PTPN11: variants seen among roughly 807,000 people sequenced by gnomAD.
PTPN11 encodes protein tyrosine phosphatase non-receptor type 11.
Under a neutral mutation model 78.8 loss-of-function variants are expected in PTPN11, and 6 were observed. The observed-to-expected ratio is 0.08, with a 90% CI of 0.04 to 0.15. The LOEUF (loss-of-function observed/expected upper bound fraction) is 0.15, where lower values mean the gene tolerates loss of function less well. PTPN11 is among the 10% of genes least tolerant of loss of function. The pLI is 1.00. For synonymous variants in PTPN11, 221 were observed against 263.5 expected, an observed-to-expected ratio of 0.84 and a Z score of 1.56; for missense variants, 386 against 744.8, an observed-to-expected ratio of 0.52 and a Z score of 5.61.
rs1266984572 is a variant in PTPN11 at position 112,509,570 on chromosome 12, TC to T, written c.*3780del. ...ATGTAATATTTTATTGATAAATCTA[TC>T]CTTTAAAAGGAATACGTTTTAGGAT... On this transcript the variant is annotated 3_prime_UTR_variant, in exon 16 of 16. Transcript: ENST00000351677. The T allele has an allele frequency of 6.6e-6, 1 of 152,666 alleles. No individual in the cohort carries two copies. Among genetic ancestry groups the T allele is most frequent in the Non-Finnish European group, 1.5e-5 (1 of 68,046 alleles). 9.5% of individuals were successfully genotyped at this position (152,666 alleles called of 1,614,324 possible). A position where few individuals can be genotyped will look rare whatever the true frequency, so the allele number is the denominator to read the frequency against.
chr12:112,476,611 A>C (rs1008084569), intron 7 of PTPN11, among the ~76,000 whole-genome samples: 3 of 152,144 alleles, frequency 2.0e-5, no homozygotes, highest in African/African-American at 7.2e-5. Flanking sequence ...TCTACTAAAA[A>C]TACAAAAATT....
chr12:112,506,546 T>C lies in PTPN11; in HGVS notation c.*754T>C, dbSNP rs1207575496. ...TATTTTCTTTGCATTTGAATAATTG[T>C]CTTGTACTTAGAAAAAAGGCGTCTA... On this transcript the variant is annotated 3_prime_UTR_variant, in exon 16 of 16. Coordinates refer to ENST00000351677, the MANE Select transcript of PTPN11 (RefSeq NM_002834.5). The C allele has an allele frequency of 6.6e-6, 1 of 152,174 alleles. No homozygotes were observed. The highest frequency in any genetic ancestry group is 1.5e-5 in the Non-Finnish European group (1 of 68,032). 9.4% of individuals were successfully genotyped at this position (152,174 alleles called of 1,614,324 possible).
intron 1 of PTPN11, among the ~76,000 whole-genome samples, chr12:112,439,052 C>G (rs945933183): frequency 2.6e-5 from 4 of 152,166 alleles, no homozygotes; most frequent in Non-Finnish European, 5.9e-5. Flanking sequence ...AATATTAACT[C>G]ATTTTATCCT....
chr12:112,478,152 T>C, intron 9 of PTPN11, 137 bp downstream of exon 9: 1 of 1,004,078 alleles, frequency 1.0e-6, no homozygotes, highest in Non-Finnish European at 1.5e-6. Flanking sequence ...TAGGAGAAAT[T>C]TGATTATGTT....
rs920484998 is a variant in PTPN11 at position 112,504,914 on chromosome 12, A to G, written c.*32+118A>G. The G allele has an allele frequency of 1.5e-6, 1 of 673,862 alleles. No individual in the cohort carries two copies. The highest frequency in any genetic ancestry group is 2.6e-6 in the Non-Finnish European group (1 of 383,748). 41.7% of individuals were successfully genotyped at this position (673,862 alleles called of 1,614,324 possible). ...GTACCATAATTGAGTTTTACAAACCAGGCTCCTTTTTCCTCTCCCTGTACT... is the reference window on the plus strand; with the variant it reads ...GTACCATAATTGAGTTTTACAAACCGGGCTCCTTTTTCCTCTCCCTGTACT... On this transcript the variant is annotated intron_variant, in intron 15 of 15. Transcript: ENST00000351677. This position sits in a 1 kb window ranked among gnomAD's most constrained non-coding sequence, Gnocchi z 4.7.
At chr12:112,454,399 C>T (rs567798504) in intron 4 of PTPN11, among the ~76,000 whole-genome samples, 165 bp from the exon 5 acceptor site, 7 of 152,300 alleles carry the variant, frequency 4.6e-5, no homozygotes, top group Non-Finnish European at 7.3e-5. Flanking sequence ...GAATTACTGG[C>T]GTGAGCCACT....
At position 112,477,993 on chromosome 12, in the gene PTPN11, C is replaced by T. The variant is rs2135902156; in HGVS notation, c.1070C>T (p.Thr357Met). Reference sequence around the variant, plus strand: ...AACTCCCGAGTGATTGTCATGACAACGAAAGAAGTGGAGAGAGGAAAGGTA... The same window carrying T: ...AACTCCCGAGTGATTGTCATGACAATGAAAGAAGTGGAGAGAGGAAAGGTA... ...QENSRVIVMT[T>M]KEVERGKSKC... The change falls in exon 9 of 16, where the codon ACG becomes ATG. Residue 357 changes from threonine (T) to methionine (M), a missense_variant. This residue lies in a region of PTPN11 where 279 missense variants were observed against 503.3 expected (regional missense o/e 0.55). Transcript: ENST00000351677. 1.2e-6 allele frequency: 2 copies of T among 1,613,922 alleles called. No individual in the cohort carries two copies. The highest frequency in any genetic ancestry group is 1.7e-6 in the Non-Finnish European group (2 of 1,179,954).
chr12:112,480,013 A>AT (rs1478667429), intron 9 of PTPN11, among the ~76,000 whole-genome samples: 1 of 152,170 alleles, frequency 6.6e-6, no homozygotes, highest in Non-Finnish European at 1.5e-5. Flanking sequence ...ACTGTGTTTG[A>AT]TTCCTGGGCT....
rs1359658150 is a variant in PTPN11, at chr12:112,444,335, TC to T, written c.15-1939del. ...TGGAATTTCTGGATCATATGGTACT[TC>T]CAAGTTTTTTTTTTTTCTTTTTTGA... is the stretch of plus-strand genomic sequence containing the variant. On this transcript the variant is annotated intron_variant, in intron 1 of 15. Transcript: ENST00000351677. Among the ~76,000 whole-genome samples the T allele has an allele frequency of 2.0e-5, 3 of 152,080 alleles. No homozygotes were observed. The East Asian group carries it at 5.8e-4, about 29-fold the overall frequency.
intron 6 of PTPN11, 36 bp from the exon 7 acceptor site, chr12:112,472,908 T>G: frequency 6.7e-7 from 1 of 1,491,320 alleles, no homozygotes; most frequent in South Asian, 1.1e-5. Flanking sequence ...TGTGACTCTT[T>G]GACACGTAAT....
rs143126933 is a variant in PTPN11, at chr12:112,443,518, C to T, written c.15-2758C>T. On this transcript the variant is annotated intron_variant, in intron 1 of 15. Coordinates refer to ENST00000351677, the MANE Select transcript of PTPN11 (RefSeq NM_002834.5). ...GGATTGCAGGCCTGCGCCACCTTGC[C>T]CAGCTAATTTTGGAATTTTGTGAGA... Among the ~76,000 whole-genome samples, 756 of 151,904 alleles carry T rather than the reference C, an allele frequency of 5.0e-3. 3 individuals carry two copies. Among genetic ancestry groups the T allele is most frequent in the South Asian group, 0.015 (73 of 4,808 alleles).
intron 13 of PTPN11, among the ~76,000 whole-genome samples, chr12:112,490,032 T>TA (rs760083956): frequency 6.6e-6 from 1 of 152,212 alleles, no homozygotes; most frequent in Non-Finnish European, 1.5e-5. Flanking sequence ...CGCACAGACA[T>TA]ACGGGATTGT....
At chr12:112,422,712 TA>T (rs2037542464) in intron 1 of PTPN11, among the ~76,000 whole-genome samples, 1 of 152,220 alleles carries the variant, frequency 6.6e-6, no homozygotes, top group African/African-American at 2.4e-5. Flanking sequence ...GGGATGTCTT[TA>T]TTAACGTTAG....
chr12:112,454,612 G>T lies in PTPN11; in HGVS notation c.574G>T (p.Asp192Tyr), dbSNP rs1488672907. The change falls in exon 5 of 16, where the codon GAT becomes TAT. Residue 192 changes from aspartate to tyrosine, a missense_variant. Coordinates refer to ENST00000351677, the MANE Select transcript of PTPN11 (RefSeq NM_002834.5). ...GGGERFDSLT[D>Y]LVEHYKKNPM... ...AGGAGAACGGTTTGATTCTTTGACA[G>T]ATCTTGTGGAACATTATAAGAAGAA... 6.2e-7 allele frequency: 1 copy of T among 1,613,874 alleles called. No homozygotes were observed.
At chr12:112,498,147 C>T (rs1165625508) in intron 13 of PTPN11, among the ~76,000 whole-genome samples, 3 of 148,550 alleles carry the variant, frequency 2.0e-5, no homozygotes, top group Admixed American at 6.8e-5. Context: ...AGTGAGACTT[C>T]GTGTCAAAAA....
intron 6 of PTPN11, among the ~76,000 whole-genome samples, chr12:112,461,909 C>T (rs1489336085): frequency 6.6e-6 from 1 of 152,184 alleles, no homozygotes; most frequent in Non-Finnish European, 1.5e-5. Context: ...TGCCAAAAAT[C>T]CTACTTCTTG....
At chr12:112,495,258 C>T (rs1408227555) in intron 13 of PTPN11, among the ~76,000 whole-genome samples, 2 of 152,182 alleles carry the variant, frequency 1.3e-5, no homozygotes, top group East Asian at 3.8e-4. Context: ...TATCCTTTTT[C>T]TGTTCCTTGA....
intron 1 of PTPN11, among the ~76,000 whole-genome samples, chr12:112,436,661 GTT>G (rs2037796210): frequency 6.6e-6 from 1 of 150,910 alleles, no homozygotes; most frequent in Non-Finnish European, 1.5e-5. Flanking sequence ...TAGTATGTCT[GTT>G]TTTCTGAGCC....
rs776980627 is a variant in PTPN11 at position 112,489,006 on chromosome 12, A to T, written c.1448-18A>T. ...GCTCTGCAGTTTCTCTTTATTCTTC[A>T]TGATGTTTCCTTCGTAGGTGTTGAC... is the stretch of plus-strand genomic sequence containing the variant. On this transcript the variant is annotated intron_variant, in intron 12 of 15. Coordinates refer to ENST00000351677, the MANE Select transcript of PTPN11 (RefSeq NM_002834.5). The T allele has an allele frequency of 1.2e-6, 2 of 1,610,700 alleles. No homozygotes were observed. Among genetic ancestry groups the T allele is most frequent in the Non-Finnish European group, 1.7e-6 (2 of 1,178,208 alleles).
Sources: gnomAD v4.1 joint callset for allele counts (sites outside exome capture counted in the v4.1 genomes callset) on GRCh38, gnomAD v4.1.1 for gene constraint, gnomAD v4.1.1 regional missense constraint, Gnocchi (gnomAD v3.1) non-coding constraint, MANE v1.5 for transcripts, NCBI Gene and HGNC (gene_info 2026-07-23, HGNC 2026-07-21) for gene names.